Variants in ADAMTSL1 observed in about 807,000 individuals in gnomAD.
The protein encoded by ADAMTSL1 is ADAMTS-like protein 1.
Under a neutral mutation model 201.8 loss-of-function variants are expected in ADAMTSL1, and 126 were observed. That is an observed-to-expected ratio of 0.62 (90% confidence interval 0.54 to 0.72). The LOEUF is 0.72. Ranked by LOEUF, ADAMTSL1 falls within the 30% of genes least tolerant of loss-of-function variation. ADAMTSL1 has a pLI of 0.00. For missense variants in ADAMTSL1, 2,679 were observed against 2,277.8 expected (o/e 1.18, Z -3.59); for synonymous variants, 1,121 against 903.4 (o/e 1.24, Z -4.32).
At chr9:18,652,505 C>T (rs1278287806) in intron 7 of ADAMTSL1, among the ~76,000 whole-genome samples, 1 of 151,876 alleles carries the variant, frequency 6.6e-6, no homozygotes, top group Non-Finnish European at 1.5e-5. Flanking sequence ...TTTGGTGAAA[C>T]AGCAATATGC....
intron 2 of ADAMTSL1, among the ~76,000 whole-genome samples, chr9:18,522,223 C>A (rs1350058712): frequency 6.6e-6 from 1 of 152,082 alleles, no homozygotes; most frequent in African/African-American, 2.4e-5. Context: ...AGGATCATCC[C>A]TAACCCATAC....
intron 1 of ADAMTSL1, among the ~76,000 whole-genome samples, chr9:17,934,323 T>C (rs1271397913): frequency 1.3e-5 from 2 of 152,200 alleles, no homozygotes; most frequent in Non-Finnish European, 2.9e-5. Context: ...AGTTTCATAA[T>C]TCTTCAAATC....
chr9:18,614,047 A>C (rs537768175), intron 4 of ADAMTSL1, among the ~76,000 whole-genome samples: 1 of 152,146 alleles, frequency 6.6e-6, no homozygotes, highest in South Asian at 2.1e-4. Context: ...AGCCAGAGGT[A>C]GCAACTCAGG....
chr9:17,942,467 A>C (rs1827278432), intron 1 of ADAMTSL1, among the ~76,000 whole-genome samples: 1 of 152,162 alleles, frequency 6.6e-6, no homozygotes, highest in African/African-American at 2.4e-5. Context: ...CAAACGCTTG[A>C]AGCTTCTAAG....
In ADAMTSL1 at chr9:18,504,865, G is replaced by A. The variant is rs1407832761; in HGVS notation, c.100G>A (p.Gly34Ser). 9 of 1,613,872 alleles carry A rather than the reference G, an allele frequency of 5.6e-6. No individual in the cohort carries two copies. The highest frequency in any genetic ancestry group is 1.7e-5 in the Admixed American group (1 of 59,968). The change falls in exon 2 of 29, where the codon GGC becomes AGC. Residue 34 changes from glycine to serine, a missense_variant. Gly to Ser is a moderately conservative substitution (Grantham distance 56). Coordinates refer to ENST00000380548, the MANE Select transcript of ADAMTSL1 (RefSeq NM_001040272.6). ...RTARSEEDRD[G>S]LWDAWGPWSE... ...CGCACGCTCCGAGGAGGACCGGGAC[G>A]GCCTATGGGATGCCTGGGGCCCATG...
At chr9:18,689,752 A>G (rs1259390221) in intron 13 of ADAMTSL1, among the ~76,000 whole-genome samples, 1 of 152,212 alleles carries the variant, frequency 6.6e-6, no homozygotes, top group African/African-American at 2.4e-5. Context: ...TAGCAATTTT[A>G]TCCAGATATT....
chr9:18,772,238 C>A (rs534903726), intron 17 of ADAMTSL1, among the ~76,000 whole-genome samples: 1 of 152,238 alleles, frequency 6.6e-6, no homozygotes, highest in East Asian at 1.9e-4. Context: ...AGGAATTGCT[C>A]CCCTAAATCT....
chr9:18,645,363 C>G (rs1564113766), intron 7 of ADAMTSL1, among the ~76,000 whole-genome samples: 1 of 152,118 alleles, frequency 6.6e-6, no homozygotes, highest in Non-Finnish European at 1.5e-5. Context: ...ATGGTAGTTT[C>G]TTTTGCTGTG....
intron 7 of ADAMTSL1, among the ~76,000 whole-genome samples, chr9:18,652,174 C>G (rs879332335): frequency 1.3e-5 from 2 of 151,736 alleles, no homozygotes; most frequent in Admixed American, 6.6e-5. Flanking sequence ...GAGTTCAAGA[C>G]CAGCCTGGCC....
intron 19 of ADAMTSL1, among the ~76,000 whole-genome samples, chr9:18,790,215 G>A (rs758978169): frequency 6.6e-6 from 1 of 152,150 alleles, no homozygotes; most frequent in Non-Finnish European, 1.5e-5. Flanking sequence ...TGTGAGGTCA[G>A]TATTAGCCTC....
chr9:18,840,053 G>A lies in ADAMTSL1; in HGVS notation c.4249+10076G>A, dbSNP rs1354189150. 3.4e-5 allele frequency among the ~76,000 whole-genome samples: 5 copies of A among 148,550 alleles called. No individual in the cohort carries two copies. In the East Asian group the frequency reaches 9.8e-4, roughly 29 times the overall value. On this transcript the variant is annotated intron_variant, in intron 23 of 28. Transcript: ENST00000380548. ...TCTTTAGTTTAATTAGATCCCATTTGTCAATTTTGTCTTTTGTTGCCATTG... is the reference window on the plus strand; with the variant it reads ...TCTTTAGTTTAATTAGATCCCATTTATCAATTTTGTCTTTTGTTGCCATTG...
At chr9:18,523,000 CT>C (rs894661056) in intron 2 of ADAMTSL1, among the ~76,000 whole-genome samples, 2 of 152,130 alleles carry the variant, frequency 1.3e-5, no homozygotes, top group African/African-American at 4.8e-5. Flanking sequence ...GTTCTAGATC[CT>C]TGAGGAATCG....
chr9:18,285,512 C>G (rs1041517227), intron 2 of ADAMTSL1, among the ~76,000 whole-genome samples: 1 of 152,010 alleles, frequency 6.6e-6, no homozygotes, highest in Non-Finnish European at 1.5e-5. Context: ...TGTGTTTCAC[C>G]TTTTAAATAC....
At chr9:18,315,304 A>C (rs1423013226) in intron 2 of ADAMTSL1, among the ~76,000 whole-genome samples, 1 of 152,178 alleles carries the variant, frequency 6.6e-6, no homozygotes, top group Non-Finnish European at 1.5e-5. Context: ...TCAGGAGCCC[A>C]GCTGGCTTCG....
At chr9:18,674,548 T>C (rs997277048) in intron 9 of ADAMTSL1, among the ~76,000 whole-genome samples, 1 of 152,116 alleles carries the variant, frequency 6.6e-6, no homozygotes, top group African/African-American at 2.4e-5. Context: ...GCTCACTGTT[T>C]CTACCCAAAC....
At chr9:18,625,968 C>G (rs1429550998) in intron 5 of ADAMTSL1, among the ~76,000 whole-genome samples, 1 of 152,182 alleles carries the variant, frequency 6.6e-6, no homozygotes, top group Non-Finnish European at 1.5e-5. Flanking sequence ...GACTATCATT[C>G]TAGCTCAAAG....
At chr9:18,629,947 T>C (rs1255853311) in intron 5 of ADAMTSL1, among the ~76,000 whole-genome samples, 3 of 151,944 alleles carry the variant, frequency 2.0e-5, no homozygotes, top group East Asian at 3.9e-4. Context: ...ATTCTGTGTT[T>C]GGATTGATTG....
intron 4 of ADAMTSL1, among the ~76,000 whole-genome samples, chr9:18,595,164 C>T (rs180737877): frequency 6.6e-6 from 1 of 152,174 alleles, no homozygotes; most frequent in African/African-American, 2.4e-5. Flanking sequence ...GGCCAAGGAA[C>T]TGAGTGCAGA....
At chr9:18,906,173 C>G (rs1012436915) in intron 27 of ADAMTSL1, among the ~76,000 whole-genome samples, 3 of 152,194 alleles carry the variant, frequency 2.0e-5, no homozygotes, top group Admixed American at 6.5e-5. Flanking sequence ...GAGACCTGCA[C>G]TAGCCCCAGG....
Sources: gnomAD v4.1 joint callset for allele counts (sites outside exome capture counted in the v4.1 genomes callset) on GRCh38, gnomAD v4.1.1 for gene constraint, MANE v1.5 for transcripts, NCBI Gene and HGNC (gene_info 2026-07-23, HGNC 2026-07-21) for gene names.